The following TMPRSS15 variants were observed in gnomAD, a reference collection of about 807,000 sequenced individuals.
The protein encoded by TMPRSS15 is transmembrane serine protease 15.
A neutral mutation model predicts 125.3 loss-of-function variants in TMPRSS15; 128 were observed. The observed-to-expected ratio is 1.02, with a 90% CI of 0.89 to 1.18. The LOEUF (loss-of-function observed/expected upper bound fraction) is 1.18. Ranked by LOEUF, TMPRSS15 falls within the 50% of genes most tolerant of loss-of-function variation. The probability of loss-of-function intolerance (pLI) is 0.00; values close to 1 mark genes in which losing one functional copy is unlikely to be tolerated. For synonymous variants in TMPRSS15, 446 were observed against 423.2 expected (o/e 1.05, Z -0.66); for missense variants, 1,283 against 1,212.7 (o/e 1.06, Z -0.86).
chr21:18,412,287 C>T (rs2076167949), intron 1 of TMPRSS15, among the ~76,000 whole-genome samples: 1 of 152,174 alleles, frequency 6.6e-6, no homozygotes, highest in Non-Finnish European at 1.5e-5. Flanking sequence ...TCTAATTTCC[C>T]TGCTATCATC....
chr21:18,432,589 G>A (rs768573306), intron 1 of TMPRSS15, among the ~76,000 whole-genome samples: 2 of 152,230 alleles, frequency 1.3e-5, no homozygotes. Flanking sequence ...AGAATGAACC[G>A]TGAAATGGGA....
chr21:18,284,118 G>A (rs1456746193), intron 21 of TMPRSS15, among the ~76,000 whole-genome samples: 1 of 152,028 alleles, frequency 6.6e-6, no homozygotes, highest in Non-Finnish European at 1.5e-5. Context: ...CAGTATCTAT[G>A]AGCAGCACCA....
chr21:18,411,133 C>T (rs905767404), intron 1 of TMPRSS15, among the ~76,000 whole-genome samples: 2 of 152,096 alleles, frequency 1.3e-5, no homozygotes, highest in East Asian at 1.9e-4. Flanking sequence ...CATTCCTCTG[C>T]TACTTCTAGG....
At chr21:18,343,785 G>T in intron 11 of TMPRSS15, 129 bp from the exon 12 acceptor site, 2 of 1,215,818 alleles carry the variant, frequency 1.6e-6, no homozygotes, top group Non-Finnish European at 2.4e-6. Context: ...GAGTTGCTGG[G>T]GATGGGGAGA....
At chr21:18,435,080 A>T (rs544001727) in intron 1 of TMPRSS15, among the ~76,000 whole-genome samples, 155 of 152,016 alleles carry the variant, frequency 1.0e-3, no homozygotes, top group African/African-American at 3.6e-3. Flanking sequence ...AAAAACACCA[A>T]TTTTTTTTAC....
At chr21:18,380,443 C>A in intron 4 of TMPRSS15, 1 of 416,898 alleles carries the variant, frequency 2.4e-6, no homozygotes, top group Non-Finnish European at 5.1e-6. Context: ...AGACTGAATG[C>A]CTCAGAAATA....
Position 18,403,554 on chromosome 21 carries a change from A to G in TMPRSS15, c.69T>C (p.Ala23=). Residue 23 remains alanine, a synonymous_variant, in exon 1 of 25, where the codon GCT becomes GCC. Transcript: ENST00000284885. ...SLSSYEIMFA[A]LFAILVVLCA... is the part of the protein sequence containing the mutation. The stretch of plus-strand genomic sequence containing the variant: ...AGAGCACTACCAATATGGCAAAGAG[A>G]GCTGCAAACATGATTTCATAGGAGC... The G allele has an allele frequency of 6.2e-7, 1 of 1,614,184 alleles. No homozygotes were observed. The highest frequency in any genetic ancestry group is 1.3e-5 in the African/African-American group (1 of 75,070).
At chr21:18,340,656 A>C (rs961370609) in intron 13 of TMPRSS15, among the ~76,000 whole-genome samples, 1 of 152,182 alleles carries the variant, frequency 6.6e-6, no homozygotes, top group African/African-American at 2.4e-5. Flanking sequence ...AGGCTTGATT[A>C]GTCATTGTTA....
At chr21:18,436,762 TACAAA>T (rs2076228751) in intron 1 of TMPRSS15, among the ~76,000 whole-genome samples, 1 of 139,750 alleles carries the variant, frequency 7.2e-6, no homozygotes, top group Non-Finnish European at 1.5e-5. Flanking sequence ...CAAGGAGAAC[TACAAA>T]CCACTGCTCA....
At chr21:18,431,626 T>A (rs2076216676) in intron 1 of TMPRSS15, among the ~76,000 whole-genome samples, 1 of 152,186 alleles carries the variant, frequency 6.6e-6, no homozygotes, top group South Asian at 2.1e-4. Flanking sequence ...CAAAGCATAG[T>A]TGTGTTCAAA....
In TMPRSS15 at chr21:18,383,635, T is replaced by G. The variant is rs755469028; in HGVS notation, c.488A>C (p.Asp163Ala). The stretch of plus-strand genomic sequence containing the variant: ...ATAATGTTCACACATACCTAGGATA[T>G]CAACGCTGTTCAAATCAATATGGAA... ...VTFHIDLNSVDILDKLTTTSH... is the reference protein window; with the variant it reads ...VTFHIDLNSVAILDKLTTTSH... The change falls in exon 4 of 25, where the codon GAT becomes GCT. Residue 163 changes from aspartate to alanine, a missense_variant. By Grantham distance (126) the Asp-to-Ala change is moderately radical (BLOSUM62 -2). Coordinates refer to ENST00000284885, the MANE Select transcript of TMPRSS15 (RefSeq NM_002772.3). 3 of 1,613,796 alleles carry G rather than the reference T, an allele frequency of 1.9e-6. No individual in the cohort carries two copies. The Admixed American group carries it at 5.0e-5, about 27-fold the overall frequency.
At chr21:18,290,857 TAGAA>T (rs2074825520) in intron 21 of TMPRSS15, among the ~76,000 whole-genome samples, 1 of 152,092 alleles carries the variant, frequency 6.6e-6, no homozygotes, top group East Asian at 1.9e-4. Flanking sequence ...TCTCCTGACT[TAGAA>T]AGAGATGATA....
chr21:18,419,426 C>T (rs1389493247), intron 1 of TMPRSS15, among the ~76,000 whole-genome samples: 3 of 152,032 alleles, frequency 2.0e-5, no homozygotes, highest in South Asian at 2.1e-4. Flanking sequence ...GGGGTTTCAC[C>T]GTGTTAGACC....
At chr21:18,356,903 G>A (rs967021722) in intron 8 of TMPRSS15, among the ~76,000 whole-genome samples, 2 of 151,762 alleles carry the variant, frequency 1.3e-5, no homozygotes, top group African/African-American at 4.8e-5. Context: ...GGATAAGCAT[G>A]GCCTTACACA....
intron 1 of TMPRSS15, among the ~76,000 whole-genome samples, chr21:18,435,077 C>A (rs2076224931): frequency 6.6e-6 from 1 of 151,196 alleles, no homozygotes; most frequent in Non-Finnish European, 1.5e-5. Flanking sequence ...ATAAAAAACA[C>A]CAATTTTTTT....
chr21:18,483,593 G>T (rs989985381), intron 1 of TMPRSS15, among the ~76,000 whole-genome samples: 30 of 151,680 alleles, frequency 2.0e-4, no homozygotes, highest in African/African-American at 7.3e-4. Context: ...AGAGATTTGG[G>T]TATTTGTCTA....
chr21:18,416,883 CA>C (rs1345418135), intron 1 of TMPRSS15, among the ~76,000 whole-genome samples: 1 of 151,972 alleles, frequency 6.6e-6, no homozygotes, highest in African/African-American at 2.4e-5. Flanking sequence ...AACGAGATTA[CA>C]AATCATTGAT....
At chr21:18,481,134 G>C (rs1978972979) in intron 1 of TMPRSS15, among the ~76,000 whole-genome samples, 1 of 151,786 alleles carries the variant, frequency 6.6e-6, no homozygotes, top group Non-Finnish European at 1.5e-5. Flanking sequence ...GTGTCCTCTG[G>C]AAAGTTATTT....
chr21:18,464,324 C>T (rs2122954505), intron 1 of TMPRSS15, among the ~76,000 whole-genome samples: 6 of 151,322 alleles, frequency 4.0e-5, no homozygotes, highest in East Asian at 1.9e-4. Flanking sequence ...GATCTAAAAT[C>T]GACACCCTAA....
Sources: allele counts gnomAD v4.1 joint callset (sites outside exome capture counted in the v4.1 genomes callset), GRCh38; gene constraint gnomAD v4.1.1; transcripts MANE v1.5; gene names NCBI Gene and HGNC (gene_info 2026-07-23, HGNC 2026-07-21).